Variants in LMOD1 observed in about 807,000 individuals in gnomAD.
LMOD1 encodes leiomodin 1, also known as leiomodin-1.
Under a neutral mutation model 36.5 loss-of-function variants are expected in LMOD1, and 8 were observed. The ratio of observed to expected loss-of-function variants is 0.22; its 90% CI spans 0.13 to 0.40. The LOEUF (loss-of-function observed/expected upper bound fraction) is 0.40, where lower values mean the gene tolerates loss of function less well. LMOD1 is among the 10% of genes least tolerant of loss of function. The probability of loss-of-function intolerance (pLI) is 1.00; values close to 1 mark genes in which losing one functional copy is unlikely to be tolerated. For synonymous variants in LMOD1, 284 were observed against 288.7 expected (o/e 0.98, Z 0.17); for missense variants, 630 against 751.1 (o/e 0.84, Z 1.88).
intron 1 of LMOD1, among the ~76,000 whole-genome samples, chr1:201,928,804 C>T (rs1242416406): frequency 6.6e-6 from 1 of 152,012 alleles, no homozygotes; most frequent in East Asian, 1.9e-4. Context: ...CTACCTCTGC[C>T]TCCCGGGTTC....
chr1:201,916,969 GA>G lies in LMOD1; in HGVS notation c.262-16219del, dbSNP rs144416958. ...AAAGGGCAGCGGTTTGTGAACCTGG[GA>G]AAAAAAGGGCATTTTCTGATGCAGT... On this transcript the variant is annotated intron_variant, in intron 1 of 2. Transcript: ENST00000367288. Among the ~76,000 whole-genome samples, 1,397 of 152,210 alleles carry G rather than the reference GA, an allele frequency of 9.2e-3. 21 individuals carry two copies. Among genetic ancestry groups the G allele is most frequent in the African/African-American group, 0.033 (1,355 of 41,526 alleles).
In LMOD1 at chr1:201,899,414, G is replaced by C. The variant is rs756685945; in HGVS notation, c.1599C>G (p.Ala533=). 3.1e-6 allele frequency: 5 copies of C among 1,613,244 alleles called. No homozygotes were observed. Among genetic ancestry groups the C allele is most frequent in the Middle Eastern group, 1.6e-4 (1 of 6,062 alleles). The change falls in exon 2 of 3, where the codon GCC becomes GCG. Residue 533 remains alanine (A), a synonymous_variant. Coordinates refer to ENST00000367288, the MANE Select transcript of LMOD1 (RefSeq NM_012134.3). The surrounding 1 kb of genome is among the most constrained non-coding windows in gnomAD (Gnocchi z 6.3). ...NSPKKGGAPA[A]PPPPPPPLAP... is the part of the protein sequence containing the mutation. ...CCAAGGGAGGGGGAGGGGGTGGTGG[G>C]GCAGCTGGAGCACCCCCTTTTTTGG...
chr1:201,903,331 CTAGCCTCCTG>C (rs1202175098), intron 1 of LMOD1, among the ~76,000 whole-genome samples: 1 of 152,210 alleles, frequency 6.6e-6, no homozygotes, highest in Non-Finnish European at 1.5e-5. Flanking sequence ...TGTATCTGTT[CTAGCCTCCTG>C]CCCTGCAGGC....
intron 1 of LMOD1, among the ~76,000 whole-genome samples, chr1:201,913,640 G>A (rs548448095): frequency 4.6e-5 from 7 of 152,204 alleles, no homozygotes; most frequent in African/African-American, 1.7e-4. Context: ...GCTGTTCCAG[G>A]ACAAGGCTCG....
At position 201,912,741 on chromosome 1, in the gene LMOD1, C is replaced by T. The variant is rs545331440; in HGVS notation, c.262-11990G>A. 1.8e-4 allele frequency among the ~76,000 whole-genome samples: 28 copies of T among 152,224 alleles called. No homozygotes were observed. The South Asian group carries it at 5.6e-3, about 30-fold the overall frequency. ...GGGCGTGGTGGCGGGCGCCTGTAAT[C>T]CCAGCTACTCCGGAGGCTGAGGCAG... On this transcript the variant is annotated intron_variant, in intron 1 of 2. Coordinates refer to ENST00000367288, the MANE Select transcript of LMOD1 (RefSeq NM_012134.3).
In LMOD1 at chr1:201,933,505, C is replaced by G. The variant is rs140887375; in HGVS notation, c.261+12575G>C. 2.5e-3 allele frequency among the ~76,000 whole-genome samples: 364 copies of G among 148,172 alleles called. 1 individual carries two copies. The highest frequency in any genetic ancestry group is 8.6e-3 in the African/African-American group (348 of 40,562). On this transcript the variant is annotated intron_variant, in intron 1 of 2. Transcript: ENST00000367288. ...AAGCCAGATACAAAAAATACACACT[C>G]CATGAGCCTTTCTCTCTCTCTCTCT...
chr1:201,930,736 T>G (rs753032822), intron 1 of LMOD1, among the ~76,000 whole-genome samples: 28 of 151,890 alleles, frequency 1.8e-4, no homozygotes, highest in Non-Finnish European at 3.7e-4. Context: ...GAAGACTGCA[T>G]AGGAAGGGCA....
At chr1:201,912,989 C>T (rs1282669864) in intron 1 of LMOD1, among the ~76,000 whole-genome samples, 4 of 152,128 alleles carry the variant, frequency 2.6e-5, no homozygotes, top group African/African-American at 7.2e-5. Context: ...GTGAGGAAGG[C>T]GGTGGGAGCT....
At chr1:201,922,474 A>G (rs554942153) in intron 1 of LMOD1, among the ~76,000 whole-genome samples, 2 of 152,308 alleles carry the variant, frequency 1.3e-5, no homozygotes, top group East Asian at 3.9e-4. Context: ...AAGAAGCCAG[A>G]TCTGAAAGAC....
chr1:201,900,558 T>C lies in LMOD1; in HGVS notation c.455A>G (p.Glu152Gly), dbSNP rs780455770. 1 of 1,613,858 alleles carries C rather than the reference T, an allele frequency of 6.2e-7. No individual in the cohort carries two copies. Among genetic ancestry groups the C allele is most frequent in the South Asian group, 1.1e-5 (1 of 91,068 alleles). The change falls in exon 2 of 3, where the codon GAG (glutamate) becomes GGG (glycine). Residue 152 changes from glutamate (E) to glycine (G), a missense_variant. This residue lies in a region of LMOD1 where 405 missense variants were observed against 400.6 expected (regional missense o/e 1.01). Transcript: ENST00000367288. ...CTTGTCAATGCCCCGGATGATCTTC[T>C]CCTCCTTGGGCTTCTCGCCACTCTT... ...GGKSGEKPKE[E>G]KIIRGIDKGR...
intron 1 of LMOD1, among the ~76,000 whole-genome samples, chr1:201,933,602 T>TATATATATATAC (rs1681968123): frequency 7.9e-5 from 1 of 12,594 alleles, no homozygotes. Flanking sequence ...ACATTATATA[T>TATATATATATAC]ATATATATAT....
intron 1 of LMOD1, among the ~76,000 whole-genome samples, chr1:201,927,046 TG>T (rs1681837134): frequency 6.6e-6 from 1 of 152,242 alleles, no homozygotes. Context: ...TCCCACGTTT[TG>T]CATACTGTCT....
chr1:201,939,034 C>T (rs965897222), intron 1 of LMOD1, among the ~76,000 whole-genome samples: 1 of 152,150 alleles, frequency 6.6e-6, no homozygotes, highest in Non-Finnish European at 1.5e-5. Context: ...TCAAAGAAAT[C>T]AGGCTGCTGG....
Position 201,901,549 on chromosome 1 carries a change from TATAC to T in LMOD1, c.262-802_262-799del, listed in dbSNP as rs1489396197. Among the ~76,000 whole-genome samples, 215 of 34,856 alleles carry T rather than the reference TATAC, an allele frequency of 6.2e-3. 9 individuals are homozygous for T. Among genetic ancestry groups the T allele is most frequent in the South Asian group, 0.025 (23 of 934 alleles). 22.9% of individuals were successfully genotyped at this position (34,856 alleles called of 152,430 possible). A position where few individuals can be genotyped will look rare whatever the true frequency, so the allele number is the denominator to read the frequency against. On this transcript the variant is annotated intron_variant, in intron 1 of 2. Transcript: ENST00000367288. ...ATATATGTATATATATATATATATA[TATAC>T]ATATATATATGTATATATATATATA... is the stretch of plus-strand genomic sequence containing the variant.
chr1:201,923,774 A>G (rs1681746348), intron 1 of LMOD1, among the ~76,000 whole-genome samples: 1 of 151,948 alleles, frequency 6.6e-6, no homozygotes, highest in South Asian at 2.1e-4. Context: ...CTGAAGTGGG[A>G]GAATCATATG....
At chr1:201,920,986 AT>A (rs1681694778) in intron 1 of LMOD1, among the ~76,000 whole-genome samples, 1 of 152,200 alleles carries the variant, frequency 6.6e-6, no homozygotes, top group Non-Finnish European at 1.5e-5. Flanking sequence ...TTCCATGGAC[AT>A]TTCTAGGGTA....
At chr1:201,934,684 C>G (rs1299759991) in intron 1 of LMOD1, among the ~76,000 whole-genome samples, 1 of 152,178 alleles carries the variant, frequency 6.6e-6, no homozygotes, top group African/African-American at 2.4e-5. Context: ...TCTTTTGAGT[C>G]CACTATTCAC....
At chr1:201,928,493 G>A (rs897179746) in intron 1 of LMOD1, among the ~76,000 whole-genome samples, 3 of 152,174 alleles carry the variant, frequency 2.0e-5, no homozygotes, top group Non-Finnish European at 4.4e-5. Flanking sequence ...CTCCCAAAGG[G>A]GTGGGCTCTG....
At chr1:201,928,385 T>C (rs1261695932) in intron 1 of LMOD1, among the ~76,000 whole-genome samples, 4 of 152,230 alleles carry the variant, frequency 2.6e-5, no homozygotes, top group Admixed American at 6.5e-5. Flanking sequence ...GCCTCACTAC[T>C]TGGGCGTCAG....
Sources: gnomAD v4.1 joint callset for allele counts (sites outside exome capture counted in the v4.1 genomes callset) on GRCh38, gnomAD v4.1.1 for gene constraint, gnomAD v4.1.1 regional missense constraint, Gnocchi (gnomAD v3.1) non-coding constraint, MANE v1.5 for transcripts, NCBI Gene and HGNC (gene_info 2026-07-23, HGNC 2026-07-21) for gene names.